Variants in ZNF787 observed in about 807,000 individuals in gnomAD.
The protein encoded by ZNF787 is TTF-I-interacting peptide 20.
ZNF787 carries 7 observed loss-of-function variants against 16.9 expected under a neutral mutation model. That is an observed-to-expected ratio of 0.42 (90% CI 0.24 to 0.78). The LOEUF (loss-of-function observed/expected upper bound fraction) is 0.78, where lower values mean the gene tolerates loss of function less well. Among genes scored for constraint, ZNF787 ranks in the 30% least tolerant of loss-of-function variants. The pLI, the probability that ZNF787 is intolerant of heterozygous loss-of-function variation, is 0.30. For missense variants in ZNF787, 551 were observed against 589.3 expected (o/e 0.94, Z 0.67); for synonymous variants, 345 against 270.9 (o/e 1.27, Z -2.69).
Position 56,113,916 on chromosome 19 carries a change from G to A in ZNF787, c.-11+7256C>T, listed in dbSNP as rs185666433. Among the ~76,000 whole-genome samples, 6 of 152,196 alleles carry A rather than the reference G, an allele frequency of 3.9e-5. No individual in the cohort carries two copies. In the South Asian group the frequency reaches 1.0e-3, roughly 26 times the overall value. On this transcript the variant is annotated intron_variant, in intron 1 of 2. Coordinates refer to ENST00000610935, the MANE Select transcript of ZNF787 (RefSeq NM_001002836.4). ...ACCATCTCGGCTCACTGCAACCTTCGCCTCCCGGGTTCAAGGGATTCTCCT... is the reference window on the plus strand; with the variant it reads ...ACCATCTCGGCTCACTGCAACCTTCACCTCCCGGGTTCAAGGGATTCTCCT...
chr19:56,104,685 CACACCA>C (rs1298601437), intron 1 of ZNF787, among the ~76,000 whole-genome samples: 1 of 152,158 alleles, frequency 6.6e-6, no homozygotes, highest in African/African-American at 2.4e-5. Flanking sequence ...AGTCTCTACG[CACACCA>C]ACACCAACCT....
chr19:56,100,201 G>A (rs529814973), intron 2 of ZNF787, among the ~76,000 whole-genome samples: 4 of 152,264 alleles, frequency 2.6e-5, no homozygotes, highest in East Asian at 1.9e-4. Context: ...AGCCTGGCTC[G>A]GGTGGCACCC....
At chr19:56,089,684 G>A (rs1456429573) in intron 2 of ZNF787, among the ~76,000 whole-genome samples, 1 of 152,178 alleles carries the variant, frequency 6.6e-6, no homozygotes, top group East Asian at 1.9e-4. Flanking sequence ...CTCCGAACCT[G>A]GGAGTAAAAC....
chr19:56,088,176 G>A lies in ZNF787; in HGVS notation c.996C>T (p.Leu332=). ...CGEGFVQGAA[L]RRHKKIHAVG... ...CCGCGTGGATCTTCTTGTGTCTCCG[G>A]AGCGCGGCGCCCTGCACGAAGCCCT... Residue 332 remains leucine (L), a synonymous_variant, in exon 3 of 3, where the codon CTC becomes CTT. Coordinates refer to ENST00000610935, the MANE Select transcript of ZNF787 (RefSeq NM_001002836.4). The surrounding 1 kb of genome is among the most constrained non-coding windows in gnomAD (Gnocchi z 8.6). The A allele has an allele frequency of 6.5e-7, 1 of 1,549,720 alleles. No individual in the cohort carries two copies. Among genetic ancestry groups the A allele is most frequent in the African/African-American group, 1.4e-5 (1 of 69,988 alleles).
rs146127855 is a variant in ZNF787 at position 56,109,580 on chromosome 19, G to C, written c.-10-6353C>G. The stretch of plus-strand genomic sequence containing the variant: ...CTTCAGGAGGCCTTCACTTTCTGAA[G>C]TCTCCCATGTACCTGTAAAAATAAC... On this transcript the variant is annotated intron_variant, in intron 1 of 2. Coordinates refer to ENST00000610935, the MANE Select transcript of ZNF787 (RefSeq NM_001002836.4). Among the ~76,000 whole-genome samples, 733 of 152,316 alleles carry C rather than the reference G, an allele frequency of 4.8e-3. 10 individuals carry two copies. Among genetic ancestry groups the C allele is most frequent in the African/African-American group, 0.017 (690 of 41,564 alleles).
chr19:56,090,520 T>C (rs1468588862), intron 2 of ZNF787, among the ~76,000 whole-genome samples: 8 of 152,034 alleles, frequency 5.3e-5, no homozygotes, highest in African/African-American at 1.9e-4. Flanking sequence ...ACAGAGAACA[T>C]ATTAAAAACA....
intron 2 of ZNF787, among the ~76,000 whole-genome samples, chr19:56,092,773 C>T (rs1985677263): frequency 6.6e-6 from 1 of 151,770 alleles, no homozygotes; most frequent in Non-Finnish European, 1.5e-5. Flanking sequence ...CCTACAGACA[C>T]ATGAGATGGC....
chr19:56,115,367 T>C (rs2030103147), intron 1 of ZNF787, among the ~76,000 whole-genome samples: 1 of 147,396 alleles, frequency 6.8e-6, no homozygotes, highest in Non-Finnish European at 1.5e-5. Context: ...TTTTTTTTTT[T>C]TTTTTTTTTG....
chr19:56,108,204 C>T (rs1244749403), intron 1 of ZNF787, among the ~76,000 whole-genome samples: 1 of 152,012 alleles, frequency 6.6e-6, no homozygotes, highest in Admixed American at 6.5e-5. Context: ...GGCGCCGCTC[C>T]CCGCTCTCTC....
At position 56,121,153 on chromosome 19, in the gene ZNF787, C is replaced by T. The variant is rs2030288022; in HGVS notation, c.-11+19G>A. The T allele has an allele frequency of 6.9e-6, 1 of 144,914 alleles. No individual in the cohort carries two copies. The highest frequency in any genetic ancestry group is 2.1e-4 in the East Asian group (1 of 4,830). The allele number at this position is 144,914 out of a possible 1,614,324, so 9.0% of individuals were successfully genotyped here. A position where few individuals can be genotyped will look rare whatever the true frequency, so the allele number is the denominator to read the frequency against. ...GCCCACCTGGCCCCCAGCGCACGGC[C>T]CCCGCCCCCACCCCTCACCTCCTTG... On this transcript the variant is annotated intron_variant, in intron 1 of 2. Transcript: ENST00000610935.
At chr19:56,114,057 C>T (rs1027872576) in intron 1 of ZNF787, among the ~76,000 whole-genome samples, 10 of 152,172 alleles carry the variant, frequency 6.6e-5, no homozygotes, top group Non-Finnish European at 1.0e-4. Context: ...AAAAGCAACT[C>T]AGTTCATCAC....
intron 2 of ZNF787, among the ~76,000 whole-genome samples, chr19:56,095,701 T>A (rs1985844193): frequency 6.6e-6 from 1 of 152,244 alleles, no homozygotes; most frequent in East Asian, 1.9e-4. Context: ...ACCTGGTTGC[T>A]TAGAGAGCTG....
intron 2 of ZNF787, among the ~76,000 whole-genome samples, chr19:56,100,788 A>C (rs1427314391): frequency 7.1e-6 from 1 of 140,762 alleles, no homozygotes; most frequent in South Asian, 2.3e-4. Context: ...AATGCACGTA[A>C]GCGGGACCCC....
intron 1 of ZNF787, among the ~76,000 whole-genome samples, chr19:56,105,796 G>C (rs1986280120): frequency 6.6e-6 from 1 of 152,156 alleles, no homozygotes; most frequent in South Asian, 2.1e-4. Flanking sequence ...ATGATATTTA[G>C]TGTATTCAGT....
At position 56,088,677 on chromosome 19, in the gene ZNF787, C is replaced by T. The variant is rs1599936172; in HGVS notation, c.495G>A (p.Leu165=). The T allele has an allele frequency of 6.3e-7, 1 of 1,584,800 alleles. No homozygotes were observed. Among genetic ancestry groups the T allele is most frequent in the Non-Finnish European group, 8.6e-7 (1 of 1,169,582 alleles). Residue 165 remains leucine (L), a synonymous_variant, in exon 3 of 3, where the codon CTG becomes CTA. Transcript: ENST00000610935. This position sits in a 1 kb window ranked among gnomAD's most constrained non-coding sequence, Gnocchi z 8.6. ...CGRSFTQSKS[L]AKHRRSHSGL... Reference sequence around the variant, plus strand: ...CGCTGTGCGAGCGCCGGTGCTTGGCCAGGCTCTTGCTCTGAGTGAAGCTGC... The same window carrying T: ...CGCTGTGCGAGCGCCGGTGCTTGGCTAGGCTCTTGCTCTGAGTGAAGCTGC...
chr19:56,096,227 C>CTAAAAAAA (rs1985861789), intron 2 of ZNF787, among the ~76,000 whole-genome samples: 1 of 13,390 alleles, frequency 7.5e-5, no homozygotes, highest in Non-Finnish European at 6.7e-4. Context: ...GACCCCGTCT[C>CTAAAAAAA]TAAAAAAATA....
intron 2 of ZNF787, among the ~76,000 whole-genome samples, chr19:56,097,385 G>C: frequency 6.6e-6 from 1 of 152,210 alleles, no homozygotes; most frequent in South Asian, 2.1e-4. Flanking sequence ...AAGAACACTG[G>C]CTTTGTGGCT....
rs750043770 is a variant in ZNF787, at chr19:56,089,031, C to A, written c.141G>T (p.Pro47=). The A allele has an allele frequency of 2.0e-6, 3 of 1,469,296 alleles. No homozygotes were observed. Among genetic ancestry groups the A allele is most frequent in the African/African-American group, 2.9e-5 (2 of 68,878 alleles). 91.0% of individuals were successfully genotyped at this position (1,469,296 alleles called of 1,614,324 possible). The change falls in exon 3 of 3, where the codon CCG becomes CCT. Residue 47 remains proline (P), a synonymous_variant. Coordinates refer to ENST00000610935, the MANE Select transcript of ZNF787 (RefSeq NM_001002836.4). ...VPSWPPTKLS[P]PQSAPPAGPP... ...GGCCGGCTGGGGGCGCAGACTGGGGCGGGGACAGCTTGGTGGGAGGCCAGC... is the reference window on the plus strand; with the variant it reads ...GGCCGGCTGGGGGCGCAGACTGGGGAGGGGACAGCTTGGTGGGAGGCCAGC...
intron 1 of ZNF787, among the ~76,000 whole-genome samples, chr19:56,116,256 A>G (rs1164671481): frequency 1.3e-5 from 2 of 152,118 alleles, no homozygotes; most frequent in Admixed American, 6.5e-5. Flanking sequence ...CCTGGCTAAC[A>G]CGGTGAAACC....
Sources: gnomAD v4.1 joint callset for allele counts (sites outside exome capture counted in the v4.1 genomes callset) on GRCh38, gnomAD v4.1.1 for gene constraint, Gnocchi (gnomAD v3.1) non-coding constraint, MANE v1.5 for transcripts, NCBI Gene and HGNC (gene_info 2026-07-23, HGNC 2026-07-21) for gene names.